Variants in RGS7 observed in about 807,000 individuals in gnomAD.
RGS7 encodes regulator of G-protein signaling 7.
A neutral mutation model predicts 81.1 loss-of-function variants in RGS7; 27 were observed. That is an observed-to-expected ratio of 0.33 (90% CI 0.25 to 0.46). The LOEUF (loss-of-function observed/expected upper bound fraction) is 0.46. RGS7 is among the 20% of genes least tolerant of loss of function. The pLI is 1.00. For missense variants in RGS7, 396 were observed against 607.4 expected (o/e 0.65, Z 3.66); for synonymous variants, 208 against 207.7 (o/e 1.00, Z -0.01).
intron 2 of RGS7, among the ~76,000 whole-genome samples, chr1:241,216,509 G>C (rs1041087887): frequency 2.0e-5 from 3 of 152,164 alleles, no homozygotes; most frequent in Non-Finnish European, 2.9e-5. Flanking sequence ...TTTGTGGGAA[G>C]AGAGATAGAG....
chr1:241,266,439 T>A (rs1388498944), intron 2 of RGS7, among the ~76,000 whole-genome samples: 3 of 152,218 alleles, frequency 2.0e-5, no homozygotes, highest in Non-Finnish European at 4.4e-5. Flanking sequence ...GATCACACAC[T>A]TATTCCATTC....
chr1:240,817,850 G>A (rs1328177274), intron 10 of RGS7, among the ~76,000 whole-genome samples: 5 of 152,124 alleles, frequency 3.3e-5, no homozygotes, highest in Admixed American at 2.0e-4. Context: ...CGACCCATCC[G>A]CCTTGGCCTC....
intron 2 of RGS7, among the ~76,000 whole-genome samples, chr1:241,235,739 TTC>T (rs139518825): frequency 0.11 from 15,694 of 147,908 alleles, 1,086 homozygotes; most frequent in East Asian, 0.29. Flanking sequence ...TTCCTTCTCT[TTC>T]TCTCTCTCTC....
At chr1:241,128,063 G>T (rs1382182865) in intron 2 of RGS7, among the ~76,000 whole-genome samples, 2 of 152,004 alleles carry the variant, frequency 1.3e-5, no homozygotes, top group Non-Finnish European at 2.9e-5. Flanking sequence ...TGGATCACGA[G>T]GTCAGGAGAC....
intron 2 of RGS7, among the ~76,000 whole-genome samples, chr1:241,237,945 C>A (rs1211312605): frequency 6.6e-6 from 1 of 152,174 alleles, no homozygotes; most frequent in Non-Finnish European, 1.5e-5. Flanking sequence ...TTGCAGATAT[C>A]CTGAAACAAA....
intron 2 of RGS7, among the ~76,000 whole-genome samples, chr1:241,311,552 G>C (rs2080531389): frequency 1.3e-5 from 2 of 152,216 alleles, no homozygotes; most frequent in Admixed American, 6.5e-5. Context: ...GAGCTGTCAT[G>C]CCAGTAGGAG....
At chr1:241,176,983 C>T (rs910887385) in intron 2 of RGS7, among the ~76,000 whole-genome samples, 1 of 152,112 alleles carries the variant, frequency 6.6e-6, no homozygotes, top group African/African-American at 2.4e-5. Context: ...CTCCTAAGGC[C>T]ACGCATGGAG....
At chr1:241,306,350 C>G (rs1399880454) in intron 2 of RGS7, among the ~76,000 whole-genome samples, 1 of 151,198 alleles carries the variant, frequency 6.6e-6, no homozygotes, top group Non-Finnish European at 1.5e-5. Flanking sequence ...CTCACATGTA[C>G]ATATACACAC....
chr1:241,131,122 C>T (rs1474231682), intron 2 of RGS7, among the ~76,000 whole-genome samples: 1 of 151,704 alleles, frequency 6.6e-6, no homozygotes, highest in Non-Finnish European at 1.5e-5. Flanking sequence ...ATGTGTTTTT[C>T]TCCATTAGAC....
chr1:241,093,584 A>T (rs2148937417), intron 3 of RGS7, among the ~76,000 whole-genome samples: 1 of 152,338 alleles, frequency 6.6e-6, no homozygotes, highest in East Asian at 1.9e-4. Context: ...CAGCTTAAAA[A>T]TACATATTTC....
At chr1:241,040,919 A>G (rs2060583633) in intron 3 of RGS7, among the ~76,000 whole-genome samples, 1 of 152,224 alleles carries the variant, frequency 6.6e-6, no homozygotes, top group Non-Finnish European at 1.5e-5. Flanking sequence ...CCCTGGGAAC[A>G]TGCACGTGCA....
At chr1:240,859,069 G>A (rs1661668945) in intron 9 of RGS7, among the ~76,000 whole-genome samples, 1 of 152,192 alleles carries the variant, frequency 6.6e-6, no homozygotes, top group Admixed American at 6.5e-5. Flanking sequence ...GATATAATTT[G>A]TCCCTCTTTG....
chr1:241,173,373 T>C (rs921133710), intron 2 of RGS7, among the ~76,000 whole-genome samples: 15 of 152,232 alleles, frequency 9.9e-5, no homozygotes, highest in African/African-American at 3.4e-4. Flanking sequence ...TCACAATGTA[T>C]GTAAACATGG....
chr1:240,827,215 G>T, intron 9 of RGS7, 43 bp from the exon 10 acceptor site: 1 of 1,478,010 alleles, frequency 6.8e-7, no homozygotes, highest in Non-Finnish European at 9.5e-7. Context: ...CTTTGGGTGT[G>T]AAATTTCTGA....
intron 2 of RGS7, among the ~76,000 whole-genome samples, chr1:241,270,163 A>T (rs1429071020): frequency 2.6e-5 from 4 of 152,132 alleles, no homozygotes; most frequent in Non-Finnish European, 5.9e-5. Context: ...GGCTCCATTT[A>T]TCAATGCTGG....
chr1:240,841,483 C>T (rs1044800866), intron 9 of RGS7, among the ~76,000 whole-genome samples: 3 of 152,164 alleles, frequency 2.0e-5, no homozygotes, highest in Admixed American at 1.3e-4. Context: ...AAGATTAAAA[C>T]CCCATATGAG....
Position 241,089,641 on chromosome 1 carries a change from C to A in RGS7, c.175+9025G>T, listed in dbSNP as rs925170784. ...ACAAATATAATAACTAAACTTCCAC[C>A]CTAATACTAATACCTTCAGCATATC... On this transcript the variant is annotated intron_variant, in intron 3 of 18. Transcript: ENST00000440928. Among the ~76,000 whole-genome samples the A allele has an allele frequency of 2.0e-5, 3 of 152,166 alleles. No homozygotes were observed. In the East Asian group the frequency reaches 5.8e-4, roughly 29 times the overall value.
intron 4 of RGS7, among the ~76,000 whole-genome samples, chr1:240,947,430 C>T (rs1315253250): frequency 6.6e-6 from 1 of 152,054 alleles, no homozygotes; most frequent in East Asian, 1.9e-4. Context: ...CATCTGAAAC[C>T]CACTCTTCTC....
chr1:240,806,850 G>C (rs1180003420), intron 14 of RGS7, among the ~76,000 whole-genome samples: 3 of 152,114 alleles, frequency 2.0e-5, no homozygotes, highest in Admixed American at 1.3e-4. Context: ...TCTGTTCTAG[G>C]TGGTAAGGGA....
Sources: gnomAD v4.1 joint callset for allele counts (sites outside exome capture counted in the v4.1 genomes callset) on GRCh38, gnomAD v4.1.1 for gene constraint, MANE v1.5 for transcripts, NCBI Gene and HGNC (gene_info 2026-07-23, HGNC 2026-07-21) for gene names.